MAF: variants seen among roughly 807,000 people sequenced by gnomAD.
MAF encodes the protein MAF bZIP transcription factor.
In MAF, 10 loss-of-function variants were observed where a neutral mutation model predicts 22.0. The observed-to-expected ratio is 0.45, with a 90% CI of 0.28 to 0.77. The LOEUF (loss-of-function observed/expected upper bound fraction) is 0.77. Ranked by LOEUF, MAF falls within the 30% of genes least tolerant of loss-of-function variation. The probability of loss-of-function intolerance (pLI) is 0.12; values close to 1 mark genes in which losing one functional copy is unlikely to be tolerated. For synonymous variants in MAF, 337 were observed against 255.8 expected, an observed-to-expected ratio of 1.32 and a Z score of -3.03; for missense variants, 544 against 548.4, an observed-to-expected ratio of 0.99 and a Z score of 0.08.
chr16:79,355,831 C>G, the MAF span, among the ~76,000 whole-genome samples: 1 of 152,010 alleles, frequency 6.6e-6, no homozygotes, highest in Admixed American at 6.6e-5. Flanking sequence ...TGGTGGGGTC[C>G]TAAGTCTTCA....
the MAF span, among the ~76,000 whole-genome samples, chr16:79,209,147 C>T: frequency 6.6e-6 from 1 of 152,136 alleles, no homozygotes; most frequent in Admixed American, 6.6e-5. Context: ...AAAAGTTAGG[C>T]TTTTCAAAAA....
chr16:79,488,346 C>G, the MAF span, among the ~76,000 whole-genome samples: 1 of 152,160 alleles, frequency 6.6e-6, no homozygotes, highest in Non-Finnish European at 1.5e-5. Context: ...CCTCTCACCC[C>G]CTTACTCTCC....
the MAF span, among the ~76,000 whole-genome samples, chr16:79,418,882 C>T: frequency 9.2e-5 from 14 of 152,186 alleles, no homozygotes; most frequent in Non-Finnish European, 1.3e-4. Flanking sequence ...ACACAAACTC[C>T]GTCTCCTGCT....
the MAF span, among the ~76,000 whole-genome samples, chr16:79,511,894 A>T: frequency 6.6e-6 from 1 of 152,190 alleles, no homozygotes; most frequent in Non-Finnish European, 1.5e-5. Flanking sequence ...TTCGGTCTGC[A>T]AACATAAGCC....
chr16:79,213,348 C>T, the MAF span, among the ~76,000 whole-genome samples: 1 of 152,232 alleles, frequency 6.6e-6, no homozygotes, highest in Admixed American at 6.5e-5. Flanking sequence ...GCCACATCCT[C>T]CCATCTGGCT....
At chr16:79,477,203 G>A in the MAF span, among the ~76,000 whole-genome samples, 1 of 152,188 alleles carries the variant, frequency 6.6e-6, no homozygotes, top group Non-Finnish European at 1.5e-5. Flanking sequence ...TCTTCTTGGG[G>A]AAAAGGTGCC....
Position 79,599,527 on chromosome 16 carries a change from C to A in MAF, c.376G>T (p.Gly126Cys), listed in dbSNP as rs1438395710. Residue 126 changes from glycine to cysteine, a missense_variant, in exon 1 of 2, where the codon GGC (glycine) becomes TGC (cysteine). Gly to Cys is a radical substitution (Grantham distance 159). Coordinates refer to ENST00000326043, the MANE Select transcript of MAF (RefSeq NM_005360.5). ...ALISNSHQLQGGFDGYARGAQ... is the reference protein window; with the variant it reads ...ALISNSHQLQCGFDGYARGAQ... ...CCGCGCGCGTAGCCATCGAAGCCGC[C>A]CTGGAGCTGGTGGCTGTTGCTGATG... 6 of 1,553,536 alleles carry A rather than the reference C, an allele frequency of 3.9e-6. No individual in the cohort carries two copies. The Admixed American group carries it at 1.2e-4, about 30-fold the overall frequency.
At chr16:79,442,013 C>T in the MAF span, among the ~76,000 whole-genome samples, 1 of 152,114 alleles carries the variant, frequency 6.6e-6, no homozygotes, top group Non-Finnish European at 1.5e-5. Context: ...CCATGGAGTG[C>T]CAAAGAACGC....
the MAF span, among the ~76,000 whole-genome samples, chr16:79,209,598 G>A: frequency 3.9e-4 from 60 of 152,276 alleles, no homozygotes; most frequent in East Asian, 2.7e-3. Context: ...CACTCTGGTC[G>A]TTTTGGCAGC....
the MAF span, among the ~76,000 whole-genome samples, chr16:79,489,104 C>T: frequency 2.0e-5 from 3 of 152,174 alleles, no homozygotes; most frequent in African/African-American, 7.2e-5. Context: ...CCCATCCATC[C>T]ATCTATCCAT....
chr16:79,403,499 C>A, the MAF span, among the ~76,000 whole-genome samples: 5 of 152,192 alleles, frequency 3.3e-5, no homozygotes, highest in Admixed American at 2.6e-4. Context: ...TGCCTCTGTG[C>A]ATGCCCACTG....
chr16:79,529,763 C>T, the MAF span, among the ~76,000 whole-genome samples: 2 of 152,140 alleles, frequency 1.3e-5, no homozygotes, highest in African/African-American at 4.8e-5. Flanking sequence ...GAGCTCAAAA[C>T]CAGCCTGGCC....
At chr16:79,334,464 T>C in the MAF span, among the ~76,000 whole-genome samples, 1 of 152,158 alleles carries the variant, frequency 6.6e-6, no homozygotes, top group African/African-American at 2.4e-5. Context: ...GGGACCTTTC[T>C]GGGAGCTGGA....
the MAF span, among the ~76,000 whole-genome samples, chr16:79,423,629 G>C: frequency 2.0e-5 from 3 of 152,274 alleles, no homozygotes; most frequent in African/African-American, 7.2e-5. Context: ...AGCAGAATTA[G>C]GCAGTTTCAA....
the MAF span, among the ~76,000 whole-genome samples, chr16:79,426,943 G>A: frequency 1.3e-5 from 2 of 152,176 alleles, no homozygotes; most frequent in Non-Finnish European, 2.9e-5. Flanking sequence ...TTCTTTGTGT[G>A]CCTGAATCAA....
the MAF span, among the ~76,000 whole-genome samples, chr16:79,565,842 A>C: frequency 6.6e-6 from 1 of 152,194 alleles, no homozygotes; most frequent in African/African-American, 2.4e-5. Context: ...CACTATTCTG[A>C]AATATTCCGA....
chr16:79,589,173 G>C (rs562160280), downstream of MAF, among the ~76,000 whole-genome samples: 4 of 152,118 alleles, frequency 2.6e-5, no homozygotes, highest in African/African-American at 7.2e-5. Flanking sequence ...TAAGAAAAAG[G>C]CCCCTCATGG....
chr16:79,584,667 A>G (rs956299905), downstream of MAF, among the ~76,000 whole-genome samples: 10 of 152,244 alleles, frequency 6.6e-5, no homozygotes, highest in Admixed American at 5.2e-4. Context: ...AAAGGCTGAG[A>G]CAATAAAGGA....
At chr16:79,325,954 T>C in the MAF span, among the ~76,000 whole-genome samples, 1 of 152,178 alleles carries the variant, frequency 6.6e-6, no homozygotes, top group East Asian at 1.9e-4. Context: ...TGATACTCCA[T>C]AACATTGAAC....
Sources: gnomAD v4.1 joint callset for allele counts (sites outside exome capture counted in the v4.1 genomes callset) on GRCh38, gnomAD v4.1.1 for gene constraint, MANE v1.5 for transcripts, NCBI Gene and HGNC (gene_info 2026-07-23, HGNC 2026-07-21) for gene names.